SNX29: variants seen among roughly 807,000 people sequenced by gnomAD.
SNX29 encodes sorting nexin 29.
Under a neutral mutation model 102.1 loss-of-function variants are expected in SNX29, and 78 were observed. The observed-to-expected ratio is 0.76, with a 90% confidence interval of 0.64 to 0.92. The LOEUF (loss-of-function observed/expected upper bound fraction) is 0.92. SNX29 is among the 40% of genes least tolerant of loss of function. The pLI is 0.00. For missense variants in SNX29, 1,280 were observed against 1,061.7 expected, an observed-to-expected ratio of 1.21 and a Z score of -2.86; for synonymous variants, 580 against 414.5, an observed-to-expected ratio of 1.40 and a Z score of -4.85.
At chr16:12,495,205 A>G in intron 19 of SNX29, among the ~76,000 whole-genome samples, 1 of 151,970 alleles carries the variant, frequency 6.6e-6, no homozygotes, top group South Asian at 2.1e-4. Flanking sequence ...GGCCTGGAGC[A>G]CAGTGGCATG....
chr16:12,260,590 G>C (rs1173502850), intron 14 of SNX29, among the ~76,000 whole-genome samples: 2 of 152,164 alleles, frequency 1.3e-5, no homozygotes, highest in African/African-American at 4.8e-5. Context: ...TGTCCTCCTG[G>C]TCTCTTGGAG....
At chr16:12,402,167 A>G (rs2083971295) in intron 17 of SNX29, among the ~76,000 whole-genome samples, 1 of 152,240 alleles carries the variant, frequency 6.6e-6, no homozygotes, top group Non-Finnish European at 1.5e-5. Flanking sequence ...GCCCTGGGGA[A>G]GTGATCAATG....
At chr16:11,982,870 T>C (rs1208365044) in intron 1 of SNX29, among the ~76,000 whole-genome samples, 1 of 152,210 alleles carries the variant, frequency 6.6e-6, no homozygotes, top group Admixed American at 6.5e-5. Flanking sequence ...AATTTACTGC[T>C]GTTTCTTGCC....
At chr16:12,554,338 G>C (rs776428995) in intron 20 of SNX29, among the ~76,000 whole-genome samples, 3 of 151,656 alleles carry the variant, frequency 2.0e-5, no homozygotes, top group East Asian at 3.9e-4. Flanking sequence ...GATGTCTTTT[G>C]TTCTGTAGCT....
rs1160568605 is a variant in SNX29, at chr16:12,571,667, T to G, written c.*3038T>G. ...AAAGACGACTCAGGAACGGTAGGGC[T>G]GGGCAGAGGTGTCTCTCCTTGAGAG... On this transcript the variant is annotated 3_prime_UTR_variant, in exon 21 of 21. Coordinates refer to ENST00000566228, the MANE Select transcript of SNX29 (RefSeq NM_032167.5). 4.7e-6 allele frequency: 5 copies of G among 1,059,138 alleles called. No individual in the cohort carries two copies. The African/African-American group carries it at 4.9e-5, about 10-fold the overall frequency. 65.6% of individuals were successfully genotyped at this position (1,059,138 alleles called of 1,614,324 possible). A position where few individuals can be genotyped will look rare whatever the true frequency, so the allele number is the denominator to read the frequency against.
At chr16:12,121,612 T>G (rs2053977172) in intron 11 of SNX29, among the ~76,000 whole-genome samples, 3 of 152,186 alleles carry the variant, frequency 2.0e-5, no homozygotes, top group Admixed American at 2.0e-4. Flanking sequence ...CTCGGCACTT[T>G]CTCTGTGGCT....
At chr16:12,427,734 T>C (rs1055720816) in intron 18 of SNX29, among the ~76,000 whole-genome samples, 12 of 152,212 alleles carry the variant, frequency 7.9e-5, no homozygotes, top group Admixed American at 1.3e-4. Context: ...CCTTGATGTC[T>C]TGCTGACCTT....
At chr16:12,031,931 C>T (rs933503594) in intron 4 of SNX29, among the ~76,000 whole-genome samples, 11 of 152,152 alleles carry the variant, frequency 7.2e-5, no homozygotes, top group Non-Finnish European at 1.3e-4. Context: ...ACATGTCATA[C>T]AGTAATCATT....
At chr16:12,061,854 C>A (rs1011212462) in intron 9 of SNX29, among the ~76,000 whole-genome samples, 1 of 152,144 alleles carries the variant, frequency 6.6e-6, no homozygotes, top group Non-Finnish European at 1.5e-5. Flanking sequence ...CTGAGGTGCT[C>A]TCCGTGGAGT....
rs545317470 is a variant in SNX29 at position 12,545,233 on chromosome 16, G to A, written c.2318+20392G>A. Among the ~76,000 whole-genome samples the A allele has an allele frequency of 5.4e-4, 82 of 152,336 alleles. 1 individual carries two copies. The highest frequency in any genetic ancestry group is 1.7e-3 in the African/African-American group (71 of 41,586). On this transcript the variant is annotated intron_variant, in intron 20 of 20. Transcript: ENST00000566228. ...TGGGGCAGGCAATGACAGGGAAAGGGCCTCTGTTCTCAAGTGGCTCCAAAG... is the reference window on the plus strand; with the variant it reads ...TGGGGCAGGCAATGACAGGGAAAGGACCTCTGTTCTCAAGTGGCTCCAAAG...
intron 7 of SNX29, among the ~76,000 whole-genome samples, 179 bp downstream of exon 7, chr16:12,048,799 C>T (rs1315338427): frequency 6.6e-6 from 1 of 152,146 alleles, no homozygotes; most frequent in Non-Finnish European, 1.5e-5. Context: ...GACGGCCTTA[C>T]CTAGATGCGA....
In SNX29 at chr16:12,048,440, C is replaced by G; in HGVS notation, c.568C>G (p.Pro190Ala). 6.2e-7 allele frequency: 1 copy of G among 1,613,698 alleles called. No individual in the cohort carries two copies. Residue 190 changes from proline (P) to alanine (A), a missense_variant, in exon 7 of 21, where the codon CCC becomes GCC. Transcript: ENST00000566228. ...KDLNGQSKFA[P>A]TVSDLLKEST... Reference sequence around the variant, plus strand: ...TTTGAACGGGCAGAGTAAGTTTGCTCCCACCGTTTCAGACCTCTTAAAGGA... The same window carrying G: ...TTTGAACGGGCAGAGTAAGTTTGCTGCCACCGTTTCAGACCTCTTAAAGGA...
intron 20 of SNX29, among the ~76,000 whole-genome samples, chr16:12,537,891 A>G (rs553600372): frequency 6.6e-6 from 1 of 152,034 alleles, no homozygotes; most frequent in African/African-American, 2.4e-5. Context: ...ACGCTAAGGC[A>G]GGAGAGTCAC....
At chr16:12,561,503 C>T (rs75026380) in intron 20 of SNX29, among the ~76,000 whole-genome samples, 1,768 of 152,266 alleles carry the variant, frequency 0.012, 51 homozygotes, top group South Asian at 0.1. Context: ...ACCCAGATCA[C>T]AGGTGAAACA....
At chr16:12,252,584 C>T (rs907324227) in intron 14 of SNX29, among the ~76,000 whole-genome samples, 4 of 152,232 alleles carry the variant, frequency 2.6e-5, no homozygotes, top group Non-Finnish European at 5.9e-5. Flanking sequence ...GGCTTTGCCT[C>T]CCTGAACGTG....
chr16:12,183,296 T>G (rs748883267), intron 13 of SNX29, among the ~76,000 whole-genome samples: 2 of 152,232 alleles, frequency 1.3e-5, no homozygotes, highest in Non-Finnish European at 1.5e-5. Flanking sequence ...CCATGGCACC[T>G]AGACAAATAC....
intron 13 of SNX29, among the ~76,000 whole-genome samples, chr16:12,184,573 T>A (rs1317570325): frequency 6.6e-6 from 1 of 152,236 alleles, no homozygotes; most frequent in Non-Finnish European, 1.5e-5. Context: ...AAACTCTCCA[T>A]GCCTTGTTAG....
intron 14 of SNX29, among the ~76,000 whole-genome samples, chr16:12,233,054 A>G (rs2077817402): frequency 6.6e-6 from 1 of 151,940 alleles, no homozygotes; most frequent in Non-Finnish European, 1.5e-5. Flanking sequence ...GAGCAGCTTG[A>G]TTTGCTGGAA....
At chr16:12,179,875 C>T (rs989916288) in intron 13 of SNX29, among the ~76,000 whole-genome samples, 1 of 118,082 alleles carries the variant, frequency 8.5e-6, no homozygotes, top group Non-Finnish European at 2.0e-5. Flanking sequence ...TCAAAGTCTT[C>T]TCCTTAGAAG....
Sources: allele counts gnomAD v4.1 joint callset (sites outside exome capture counted in the v4.1 genomes callset), GRCh38; gene constraint gnomAD v4.1.1; transcripts MANE v1.5; gene names NCBI Gene and HGNC (gene_info 2026-07-23, HGNC 2026-07-21).